Variants in TRIM67 observed in about 807,000 individuals in gnomAD.
TRIM67 encodes the protein tripartite motif containing 67, also known as tripartite motif-containing protein 67.
TRIM67 carries 39 observed loss-of-function variants against 71.0 expected under a neutral mutation model. That is an observed-to-expected ratio of 0.55 (90% CI 0.43 to 0.72). The LOEUF (loss-of-function observed/expected upper bound fraction) is 0.72, where lower values mean the gene tolerates loss of function less well. Ranked by LOEUF, TRIM67 falls within the 30% of genes least tolerant of loss-of-function variation. The pLI, the probability that TRIM67 is intolerant of heterozygous loss-of-function variation, is 0.00. For missense variants in TRIM67, 973 were observed against 1,079.2 expected (o/e 0.90, Z 1.38); for synonymous variants, 481 against 473.9 (o/e 1.01, Z -0.19).
In TRIM67 at chr1:231,163,925, G is replaced by T; in HGVS notation, c.956G>T (p.Arg319Leu). ...ENYSMYCVSC[R>L]TPVCYLCLEE... ...TACAGCATGTACTGCGTGAGCTGTC[G>T]AACCCCGGTGTGTTATCTGTGCCTG... The change falls in exon 1 of 10, where the codon CGA (arginine) becomes CTA (leucine). Residue 319 changes from arginine to leucine, a missense_variant. Around this residue, in one of 2 missense-constraint regions of TRIM67, gnomAD observed 795 missense variants for 831.3 expected, o/e 0.96. Coordinates refer to ENST00000366653, the MANE Select transcript of TRIM67 (RefSeq NM_001004342.5). The T allele has an allele frequency of 2.5e-6, 4 of 1,585,268 alleles. No individual in the cohort carries two copies. The highest frequency in any genetic ancestry group is 1.2e-5 in the South Asian group (1 of 86,198).
At chr1:231,185,452 C>T (rs572197378) in intron 1 of TRIM67, among the ~76,000 whole-genome samples, 5 of 151,944 alleles carry the variant, frequency 3.3e-5, no homozygotes, top group Admixed American at 2.0e-4. Flanking sequence ...TGTTCCAGCC[C>T]CCAGTGCAGG....
intron 1 of TRIM67, among the ~76,000 whole-genome samples, chr1:231,169,630 C>T (rs1682570867): frequency 6.6e-6 from 1 of 152,036 alleles, no homozygotes; most frequent in Non-Finnish European, 1.5e-5. Context: ...CCACCTGCCT[C>T]GGCCTCCCAA....
chr1:231,186,781 C>T (rs1420456269), intron 1 of TRIM67, among the ~76,000 whole-genome samples: 1 of 152,186 alleles, frequency 6.6e-6, no homozygotes, highest in African/African-American at 2.4e-5. Flanking sequence ...TCCCCTGAGG[C>T]TGGTCCAGGA....
chr1:231,198,426 G>A (rs555753703), intron 2 of TRIM67, among the ~76,000 whole-genome samples: 5 of 152,124 alleles, frequency 3.3e-5, no homozygotes, highest in East Asian at 1.9e-4. Flanking sequence ...TCACTCTGTC[G>A]CCCAGGCTAT....
At chr1:231,210,542 G>A (rs1440200751) in intron 8 of TRIM67, among the ~76,000 whole-genome samples, 3 of 151,270 alleles carry the variant, frequency 2.0e-5, no homozygotes, top group African/African-American at 7.3e-5. Context: ...CACCCACAGA[G>A]GGGCCAAGTC....
Position 231,219,800 on chromosome 1 carries a change from T to C in TRIM67, c.*4360T>C. On this transcript the variant is annotated 3_prime_UTR_variant, in exon 10 of 10. Transcript: ENST00000366653. ...TTGCAAGTGAGCCGGTAGCTGTGTTTGTTGACCACATTCTTTGGCAGTTCC... is the reference window on the plus strand; with the variant it reads ...TTGCAAGTGAGCCGGTAGCTGTGTTCGTTGACCACATTCTTTGGCAGTTCC... 7.9e-7 allele frequency: 1 copy of C among 1,265,910 alleles called. No individual in the cohort carries two copies. Among genetic ancestry groups the C allele is most frequent in the South Asian group, 1.3e-5 (1 of 77,604 alleles). 78.4% of individuals were successfully genotyped at this position (1,265,910 alleles called of 1,614,324 possible).
chr1:231,201,370 C>T lies in TRIM67; in HGVS notation c.1387C>T (p.Leu463=). 6.2e-7 allele frequency: 1 copy of T among 1,613,020 alleles called. No individual in the cohort carries two copies. The highest frequency in any genetic ancestry group is 2.2e-5 in the East Asian group (1 of 44,868). Residue 463 remains leucine, a synonymous_variant, in exon 5 of 10, where the codon CTG becomes TTG. Transcript: ENST00000366653. The stretch of plus-strand genomic sequence containing the variant: ...GCTCCCCTTTAAGATCTCAGATGCT[C>T]TGATCAAGCGCGTCCAGGTGTCTCA... ...PSGFLQISDA[L]IKRVQVSQEQ...
Position 231,201,439 on chromosome 1 carries a change from G to A in TRIM67, c.1456G>A (p.Glu486Lys). ...CGCCCTGGAGCCGAAAGTGTCTGCG[G>A]AGTTTGATCTGACTTTGGACAGCGA... ...KGALEPKVSA[E>K]FDLTLDSEPL... The change falls in exon 5 of 10, where the codon GAG becomes AAG. Residue 486 changes from glutamate (E) to lysine (K), a missense_variant. By Grantham distance (56) the Glu-to-Lys change is moderately conservative. Transcript: ENST00000366653. The A allele has an allele frequency of 1.9e-6, 3 of 1,613,778 alleles. No individual in the cohort carries two copies. The highest frequency in any genetic ancestry group is 2.5e-6 in the Non-Finnish European group (3 of 1,179,798).
chr1:231,176,195 A>G (rs1459795805), intron 1 of TRIM67, among the ~76,000 whole-genome samples: 2 of 152,180 alleles, frequency 1.3e-5, no homozygotes, highest in Non-Finnish European at 2.9e-5. Context: ...CCTGTAATCC[A>G]TGGGCTGTGC....
Position 231,216,086 on chromosome 1 carries a change from A to T in TRIM67, c.*646A>T. 1 of 985,308 alleles carries T rather than the reference A, an allele frequency of 1.0e-6. No individual in the cohort carries two copies. Among genetic ancestry groups the T allele is most frequent in the Non-Finnish European group, 1.2e-6 (1 of 829,908 alleles). The allele number at this position is 985,308 out of a possible 1,614,324, so 61.0% of individuals were successfully genotyped here. On this transcript the variant is annotated 3_prime_UTR_variant, in exon 10 of 10. Transcript: ENST00000366653. ...AGAACCTTTTAAAATGGCTTCCTTT[A>T]TTAATCAGCCAATTGTGTTCTCTCT...
intron 3 of TRIM67, 92 bp from the exon 4 acceptor site, chr1:231,200,056 G>A (rs1683476719): frequency 3.2e-6 from 3 of 948,290 alleles, no homozygotes; most frequent in Non-Finnish European, 3.4e-6. Flanking sequence ...GCCTCTTCCA[G>A]GCTGTATTGG....
At chr1:231,174,152 C>CTTTTTTTTTTTT (rs35651112) in intron 1 of TRIM67, among the ~76,000 whole-genome samples, 1 of 127,354 alleles carries the variant, frequency 7.9e-6, no homozygotes, top group Non-Finnish European at 1.6e-5. Flanking sequence ...GTCTTATTTT[C>CTTTTTTTTTTTT]TTTTTTTTTT....
intron 1 of TRIM67, among the ~76,000 whole-genome samples, chr1:231,177,489 C>T (rs928607322): frequency 3.3e-5 from 5 of 152,238 alleles, no homozygotes; most frequent in African/African-American, 1.2e-4. Context: ...ATGCATCAGA[C>T]ATCCCATCCC....
At position 231,209,104 on chromosome 1, in the gene TRIM67, G is replaced by T. The variant is rs200420971; in HGVS notation, c.1977G>T (p.Arg659=). The T allele has an allele frequency of 1.2e-6, 2 of 1,613,976 alleles. No homozygotes were observed. The highest frequency in any genetic ancestry group is 1.7e-6 in the Non-Finnish European group (2 of 1,179,880). The change falls in exon 8 of 10, where the codon CGG becomes CGT. Residue 659 remains arginine, a synonymous_variant. Transcript: ENST00000366653. This position sits in a 1 kb window ranked among gnomAD's most constrained non-coding sequence, Gnocchi z 4.1. ...ACTACTGGGAGCTGCACGTGGACCG[G>T]TACGACAACCACCCAGACCCCGCCT... ...GVHYWELHVD[R]YDNHPDPAFG...
Position 231,175,693 on chromosome 1 carries a change from T to C in TRIM67, c.1044+11680T>C, listed in dbSNP as rs888834069. Among the ~76,000 whole-genome samples, 89 of 152,354 alleles carry C rather than the reference T, an allele frequency of 5.8e-4. 1 individual carries two copies. The highest frequency in any genetic ancestry group is 2.0e-3 in the African/African-American group (85 of 41,598). ...ATACCGTCTCTATCTTCCAAGGCTG[T>C]CCTCATCCTTAGAAACATAGCCCAG... On this transcript the variant is annotated intron_variant, in intron 1 of 9. Coordinates refer to ENST00000366653, the MANE Select transcript of TRIM67 (RefSeq NM_001004342.5).
chr1:231,190,939 G>C (rs1278132361), intron 1 of TRIM67, among the ~76,000 whole-genome samples: 4 of 152,168 alleles, frequency 2.6e-5, no homozygotes, highest in African/African-American at 9.7e-5. Flanking sequence ...GTGACTCCAT[G>C]GGTCACACCT....
intron 1 of TRIM67, chr1:231,185,930 G>A (rs963882556): frequency 3.1e-6 from 2 of 650,276 alleles, no homozygotes; most frequent in Non-Finnish European, 2.7e-6. Context: ...GACTGGAGAT[G>A]AGTGTGATAA....
chr1:231,211,050 A>ATT (rs10626734), intron 8 of TRIM67, among the ~76,000 whole-genome samples: 25,381 of 134,160 alleles, frequency 0.19, 2,516 homozygotes, highest in East Asian at 0.3. Context: ...ATATATATAT[A>ATT]TTTTGTTTGT....
chr1:231,179,147 A>G (rs2102724263), intron 1 of TRIM67, among the ~76,000 whole-genome samples: 1 of 152,326 alleles, frequency 6.6e-6, no homozygotes, highest in Non-Finnish European at 1.5e-5. Flanking sequence ...TCCAAAATCA[A>G]GGTGTCGGCA....
Sources: allele counts gnomAD v4.1 joint callset (sites outside exome capture counted in the v4.1 genomes callset), GRCh38; gene constraint gnomAD v4.1.1; regional missense constraint gnomAD v4.1.1; non-coding constraint Gnocchi (gnomAD v3.1); transcripts MANE v1.5; gene names NCBI Gene and HGNC (gene_info 2026-07-23, HGNC 2026-07-21).